CSMD2: variants seen among roughly 807,000 people sequenced by gnomAD.
CSMD2 encodes CUB and Sushi multiple domains 2.
In CSMD2, 130 loss-of-function variants were observed where a neutral mutation model predicts 398.5. The ratio of observed to expected loss-of-function variants is 0.33; its 90% CI spans 0.28 to 0.38. The LOEUF (loss-of-function observed/expected upper bound fraction) is 0.38, where lower values mean the gene tolerates loss of function less well. Ranked by LOEUF, CSMD2 falls within the 10% of genes least tolerant of loss-of-function variation. The probability of loss-of-function intolerance (pLI) is 1.00; values close to 1 mark genes in which losing one functional copy is unlikely to be tolerated. For missense variants in CSMD2, 3,829 were observed against 4,764.9 expected, an observed-to-expected ratio of 0.80 and a Z score of 5.78; for synonymous variants, 1,828 against 1,908.5, an observed-to-expected ratio of 0.96 and a Z score of 1.10.
At chr1:33,779,356 G>A (rs1652404584) in intron 12 of CSMD2, among the ~76,000 whole-genome samples, 1 of 152,094 alleles carries the variant, frequency 6.6e-6, no homozygotes, top group African/African-American at 2.4e-5. Flanking sequence ...ACAGACCTTG[G>A]GCATGTGACT....
chr1:33,655,271 T>C (rs1643913005), intron 27 of CSMD2, among the ~76,000 whole-genome samples: 1 of 152,208 alleles, frequency 6.6e-6, no homozygotes, highest in Non-Finnish European at 1.5e-5. Flanking sequence ...ATTGGCTGTG[T>C]GAGTTTGGGC....
chr1:33,733,154 A>G (rs776122676), intron 15 of CSMD2, among the ~76,000 whole-genome samples: 11 of 152,212 alleles, frequency 7.2e-5, no homozygotes, highest in Non-Finnish European at 1.3e-4. Flanking sequence ...CTAGCTGTCC[A>G]GTGTGAGTGA....
chr1:34,098,571 G>T (rs1659635834), intron 1 of CSMD2, among the ~76,000 whole-genome samples: 1 of 151,876 alleles, frequency 6.6e-6, no homozygotes, highest in Non-Finnish European at 1.5e-5. Context: ...TAGTGTGGGG[G>T]TGGTCCAGGA....
chr1:34,127,574 C>T (rs1202104094), intron 1 of CSMD2, among the ~76,000 whole-genome samples: 2 of 152,044 alleles, frequency 1.3e-5, no homozygotes, highest in Non-Finnish European at 2.9e-5. Flanking sequence ...TGATGGTCTG[C>T]CTGTTCTCAG....
chr1:34,015,969 CCTCT>C (rs1192372335), intron 3 of CSMD2, among the ~76,000 whole-genome samples: 1 of 151,660 alleles, frequency 6.6e-6, no homozygotes, highest in Non-Finnish European at 1.5e-5. Flanking sequence ...GAAATCTCCT[CCTCT>C]ATCTTTTGAA....
At chr1:33,770,433 T>C (rs75343342) in intron 13 of CSMD2, among the ~76,000 whole-genome samples, 378 of 152,374 alleles carry the variant, frequency 2.5e-3, no homozygotes, top group African/African-American at 8.7e-3. Context: ...AGCATCAGCT[T>C]ACCTGCTGGG....
chr1:33,858,393 T>C (rs1289213056), intron 5 of CSMD2, among the ~76,000 whole-genome samples: 7 of 152,172 alleles, frequency 4.6e-5, no homozygotes, highest in Non-Finnish European at 1.0e-4. Context: ...TTCCTTACCC[T>C]AGCCCCAGCC....
intron 5 of CSMD2, among the ~76,000 whole-genome samples, chr1:33,868,365 C>T (rs1640187984): frequency 6.6e-6 from 1 of 152,188 alleles, no homozygotes; most frequent in African/African-American, 2.4e-5. Context: ...TGCAATATAA[C>T]AGCAACTATT....
chr1:33,517,245 G>T (rs1373859095), intron 70 of CSMD2, among the ~76,000 whole-genome samples: 1 of 152,220 alleles, frequency 6.6e-6, no homozygotes, highest in Non-Finnish European at 1.5e-5. Flanking sequence ...GTGGGCAGAA[G>T]TGGTCAGAGG....
At chr1:33,543,464 C>T (rs559892926) in intron 57 of CSMD2, among the ~76,000 whole-genome samples, 11 of 152,338 alleles carry the variant, frequency 7.2e-5, no homozygotes, top group Admixed American at 3.3e-4. Context: ...AATCAAGTTC[C>T]GCCTTTTGGC....
Position 34,109,519 on chromosome 1 carries a change from C to T in CSMD2, c.188-20326G>A, listed in dbSNP as rs533062816. Among the ~76,000 whole-genome samples, 427 of 152,282 alleles carry T rather than the reference C, an allele frequency of 2.8e-3. 1 individual carries two copies. The highest frequency in any genetic ancestry group is 3.9e-3 in the Non-Finnish European group (268 of 68,008). On this transcript the variant is annotated intron_variant, in intron 1 of 70. Transcript: ENST00000373381. ...CCTACGTTGTCCCCCAGAGTTTTTA[C>T]AGTTTTTGGTTTTACATTTAAGTCT... is the stretch of plus-strand genomic sequence containing the variant.
chr1:33,919,149 G>T (rs946867302), intron 4 of CSMD2, among the ~76,000 whole-genome samples: 1 of 152,180 alleles, frequency 6.6e-6, no homozygotes, highest in African/African-American at 2.4e-5. Flanking sequence ...GTGGAGGGTG[G>T]GAGAGGACTT....
At position 33,688,139 on chromosome 1, in the gene CSMD2, G is replaced by A. The variant is rs1209214135; in HGVS notation, c.4052+4791C>T. Among the ~76,000 whole-genome samples the A allele has an allele frequency of 2.6e-5, 4 of 152,208 alleles. No homozygotes were observed. The East Asian group carries it at 7.7e-4, about 29-fold the overall frequency. On this transcript the variant is annotated intron_variant, in intron 25 of 70. Transcript: ENST00000373381. ...TGTTCGAAGATTCAGGAATAAGAAT[G>A]TTGGAGTGAAAAGCTGAAAAGATTC...
In CSMD2 at chr1:34,164,027, C is replaced by T. The variant is rs562105729; in HGVS notation, c.187+884G>A. Among the ~76,000 whole-genome samples, 6 of 152,256 alleles carry T rather than the reference C, an allele frequency of 3.9e-5. No individual in the cohort carries two copies. In the South Asian group the frequency reaches 1.0e-3, roughly 26 times the overall value. ...TCCGCACCCGCTAGATCTGCCCCTT[C>T]CCGGACTCGGTCGTCGGGAGCTGGT... is the stretch of plus-strand genomic sequence containing the variant. On this transcript the variant is annotated intron_variant, in intron 1 of 70. Transcript: ENST00000373381. This position sits in a 1 kb window ranked among gnomAD's most constrained non-coding sequence, Gnocchi z 6.2.
chr1:33,748,210 C>G (rs1479634947), intron 13 of CSMD2, among the ~76,000 whole-genome samples: 4 of 152,134 alleles, frequency 2.6e-5, no homozygotes, highest in African/African-American at 9.7e-5. Context: ...CTTTCTTGCT[C>G]TGGAAAATTA....
At chr1:33,705,716 T>C (rs1230536062) in intron 22 of CSMD2, among the ~76,000 whole-genome samples, 2 of 152,034 alleles carry the variant, frequency 1.3e-5, no homozygotes, top group Non-Finnish European at 2.9e-5. Flanking sequence ...TTCAGATTTC[T>C]TGGCTTACAG....
chr1:33,792,373 A>T, intron 11 of CSMD2, 50 bp downstream of exon 11: 1 of 1,372,428 alleles, frequency 7.3e-7, no homozygotes, highest in East Asian at 2.3e-5. Context: ...CCACCCCACC[A>T]ACCCCAGCCA....
At chr1:33,801,371 G>A (rs1655587165) in intron 10 of CSMD2, among the ~76,000 whole-genome samples, 1 of 152,156 alleles carries the variant, frequency 6.6e-6, no homozygotes, top group Non-Finnish European at 1.5e-5. Context: ...ATCAAGGCAG[G>A]TCTGGGTTTC....
At chr1:33,803,491 A>C (rs543546339) in intron 10 of CSMD2, among the ~76,000 whole-genome samples, 1 of 152,328 alleles carries the variant, frequency 6.6e-6, no homozygotes, top group South Asian at 2.1e-4. Context: ...CACTGGACCA[A>C]GCCAGAAAGC....
Sources: allele counts gnomAD v4.1 joint callset (sites outside exome capture counted in the v4.1 genomes callset), GRCh38; gene constraint gnomAD v4.1.1; non-coding constraint Gnocchi (gnomAD v3.1); transcripts MANE v1.5; gene names NCBI Gene and HGNC (gene_info 2026-07-23, HGNC 2026-07-21).